SPATA17: variants seen among roughly 807,000 people sequenced by gnomAD.
The protein encoded by SPATA17 is spermatogenesis associated 17.
Under a neutral mutation model 62.2 loss-of-function variants are expected in SPATA17, and 53 were observed. The ratio of observed to expected loss-of-function variants is 0.85; its 90% confidence interval spans 0.68 to 1.07. The LOEUF (loss-of-function observed/expected upper bound fraction) is 1.07, where lower values mean the gene tolerates loss of function less well. Ranked by LOEUF, SPATA17 falls within the 50% of genes least tolerant of loss-of-function variation. SPATA17 has a pLI of 0.00. For synonymous variants in SPATA17, 146 were observed against 146.8 expected (o/e 0.99, Z 0.04); for missense variants, 466 against 425.5 (o/e 1.10, Z -0.84).
At chr1:217,786,767 T>C (rs1673878719) in intron 8 of SPATA17, among the ~76,000 whole-genome samples, 1 of 110,794 alleles carries the variant, frequency 9.0e-6, no homozygotes, top group African/African-American at 3.7e-5. Context: ...TTCTTCTTCT[T>C]CTTCTTCTTC....
chr1:217,868,301 T>C lies in SPATA17; in HGVS notation c.*1282T>C, dbSNP rs1184881028. On this transcript the variant is annotated 3_prime_UTR_variant, in exon 11 of 11. Coordinates refer to ENST00000366933, the MANE Select transcript of SPATA17 (RefSeq NM_138796.4). Reference sequence around the variant, plus strand: ...GTGATATGTTGGCTGGGATTTAATTTGAAAGTCAAAGAAGTGAGTTAAAAT... The same window carrying C: ...GTGATATGTTGGCTGGGATTTAATTCGAAAGTCAAAGAAGTGAGTTAAAAT... 3 of 152,216 alleles carry C rather than the reference T, an allele frequency of 2.0e-5. No homozygotes were observed. The highest frequency in any genetic ancestry group is 7.2e-5 in the African/African-American group (3 of 41,448). The allele number at this position is 152,216 out of a possible 1,614,324, so 9.4% of individuals were successfully genotyped here.
chr1:217,870,495 G>A lies in SPATA17; in HGVS notation c.*3476G>A, dbSNP rs1323380089. 6.6e-6 allele frequency: 1 copy of A among 152,128 alleles called. No individual in the cohort carries two copies. The highest frequency in any genetic ancestry group is 1.5e-5 in the Non-Finnish European group (1 of 68,028). 9.4% of individuals were successfully genotyped at this position (152,128 alleles called of 1,614,324 possible). ...AATCTTATTAGAAAATATAACTGGG[G>A]AAAGCAGTTTGTCTGTTTCTCCTGG... On this transcript the variant is annotated 3_prime_UTR_variant, in exon 11 of 11. Transcript: ENST00000366933.
chr1:217,805,589 G>A (rs1157775555), intron 9 of SPATA17, among the ~76,000 whole-genome samples: 1 of 152,172 alleles, frequency 6.6e-6, no homozygotes, highest in Non-Finnish European at 1.5e-5. Flanking sequence ...TAATTAGCAT[G>A]ATTGTGGTAA....
At chr1:217,785,232 T>A (rs912053461) in intron 8 of SPATA17, 1 of 152,320 alleles carries the variant, frequency 6.6e-6, no homozygotes, top group Non-Finnish European at 1.5e-5. Flanking sequence ...CAGTATGACC[T>A]CATCTTCATT....
intron 9 of SPATA17, among the ~76,000 whole-genome samples, chr1:217,825,166 A>T (rs868087308): frequency 1.3e-4 from 20 of 151,886 alleles, no homozygotes; most frequent in Middle Eastern, 3.5e-3. Context: ...AAGTATAGAG[A>T]AAAGCAAAGA....
At chr1:217,650,071 C>G (rs1360407835) in intron 2 of SPATA17, among the ~76,000 whole-genome samples, 1 of 151,744 alleles carries the variant, frequency 6.6e-6, no homozygotes, top group African/African-American at 2.4e-5. Flanking sequence ...TCTCGGGTAG[C>G]TGGGATTACA....
At chr1:217,734,547 C>G (rs1203533191) in intron 5 of SPATA17, among the ~76,000 whole-genome samples, 2 of 152,134 alleles carry the variant, frequency 1.3e-5, no homozygotes, top group Admixed American at 6.6e-5. Flanking sequence ...CACACACTGA[C>G]TTTACTTGCC....
intron 1 of SPATA17, among the ~76,000 whole-genome samples, chr1:217,635,601 G>C (rs1669918465): frequency 6.6e-6 from 1 of 152,010 alleles, no homozygotes; most frequent in Admixed American, 6.5e-5. Flanking sequence ...CTACTCGAGA[G>C]GCTGAGGCAG....
intron 3 of SPATA17, among the ~76,000 whole-genome samples, chr1:217,659,414 T>A (rs1031255356): frequency 1.3e-5 from 2 of 152,128 alleles, no homozygotes; most frequent in African/African-American, 4.8e-5. Flanking sequence ...AGAAGGTTGG[T>A]AAGGAGTTCA....
At chr1:217,799,865 C>CT (rs1558056010) in intron 8 of SPATA17, among the ~76,000 whole-genome samples, 2 of 150,794 alleles carry the variant, frequency 1.3e-5, no homozygotes, top group African/African-American at 2.4e-5. Context: ...TGAACCTCAA[C>CT]TTTTTTTTTA....
intron 9 of SPATA17, among the ~76,000 whole-genome samples, chr1:217,819,113 A>G (rs1451274832): frequency 6.6e-6 from 1 of 151,538 alleles, no homozygotes; most frequent in African/African-American, 2.4e-5. Context: ...ATTTAATTCA[A>G]TTTGAAATGT....
At chr1:217,804,293 A>G (rs1272905397) in intron 9 of SPATA17, among the ~76,000 whole-genome samples, 1 of 152,194 alleles carries the variant, frequency 6.6e-6, no homozygotes, top group Non-Finnish European at 1.5e-5. Flanking sequence ...TCCCAAATAC[A>G]CACAGTGGGG....
chr1:217,698,703 C>G (rs1176602189), intron 5 of SPATA17, among the ~76,000 whole-genome samples: 1 of 152,068 alleles, frequency 6.6e-6, no homozygotes, highest in Non-Finnish European at 1.5e-5. Context: ...TCGGGTTTTC[C>G]CAAATTTACT....
rs563068873 is a variant in SPATA17 at position 217,814,413 on chromosome 1, A to T, written c.1005+12563A>T. Among the ~76,000 whole-genome samples, 174 of 152,284 alleles carry T rather than the reference A, an allele frequency of 1.1e-3. 1 individual carries two copies. Among genetic ancestry groups the T allele is most frequent in the African/African-American group, 4.2e-3 (173 of 41,562 alleles). The stretch of plus-strand genomic sequence containing the variant: ...ATCCCAGGTAAGATGTTTGCCCTAG[A>T]TGTGCAGCTGTACACTGTGGTGGAG... On this transcript the variant is annotated intron_variant, in intron 9 of 10. Coordinates refer to ENST00000366933, the MANE Select transcript of SPATA17 (RefSeq NM_138796.4).
chr1:217,669,732 A>G (rs1420968228), intron 4 of SPATA17, among the ~76,000 whole-genome samples: 1 of 152,174 alleles, frequency 6.6e-6, no homozygotes, highest in Non-Finnish European at 1.5e-5. Context: ...CTTAAAATCT[A>G]TGTTGCCTTA....
chr1:217,656,960 G>A (rs1670458210), intron 3 of SPATA17, among the ~76,000 whole-genome samples: 1 of 152,096 alleles, frequency 6.6e-6, no homozygotes, highest in African/African-American at 2.4e-5. Context: ...AGCCCTTATT[G>A]GGGATTTTTC....
At chr1:217,770,716 G>A (rs1188934215) in intron 6 of SPATA17, among the ~76,000 whole-genome samples, 1 of 152,000 alleles carries the variant, frequency 6.6e-6, no homozygotes, top group Non-Finnish European at 1.5e-5. Context: ...CAAATCAATT[G>A]TACCGTTTTA....
intron 6 of SPATA17, among the ~76,000 whole-genome samples, chr1:217,746,061 T>C (rs1206816031): frequency 8.5e-5 from 13 of 152,196 alleles, no homozygotes; most frequent in Non-Finnish European, 1.6e-4. Flanking sequence ...CAAATTAATT[T>C]CATTGCTTGT....
At chr1:217,744,983 T>G (rs570254031) in intron 6 of SPATA17, among the ~76,000 whole-genome samples, 2 of 152,318 alleles carry the variant, frequency 1.3e-5, no homozygotes, top group African/African-American at 4.8e-5. Flanking sequence ...CAGATAAACC[T>G]AAGGTTTTCT....
Sources: allele counts gnomAD v4.1 joint callset (sites outside exome capture counted in the v4.1 genomes callset), GRCh38; gene constraint gnomAD v4.1.1; transcripts MANE v1.5; gene names NCBI Gene and HGNC (gene_info 2026-07-23, HGNC 2026-07-21).